Variants in DNAH6 observed in about 807,000 individuals in gnomAD.
The protein encoded by DNAH6 is dynein axonemal heavy chain 6, also known as axonemal beta dynein heavy chain 6.
In DNAH6, 340 loss-of-function variants were observed where a neutral mutation model predicts 491.4. That is an observed-to-expected ratio of 0.69 (90% CI 0.63 to 0.76). DNAH6 has a LOEUF of 0.76. Ranked by LOEUF, DNAH6 falls within the 30% of genes least tolerant of loss-of-function variation. DNAH6 has a pLI of 0.00. For missense variants in DNAH6, 4,443 were observed against 4,972.2 expected (o/e 0.89, Z 3.20); for synonymous variants, 1,603 against 1,686.1 (o/e 0.95, Z 1.21).
intron 64 of DNAH6, among the ~76,000 whole-genome samples, chr2:84,776,494 T>C (rs13424151): frequency 0.14 from 21,103 of 152,226 alleles, 1,638 homozygotes; most frequent in African/African-American, 0.21. Flanking sequence ...AAGGACAACA[T>C]GCACAACCTC....
At chr2:84,712,648 T>G (rs1434863627) in intron 56 of DNAH6, among the ~76,000 whole-genome samples, 5 of 152,194 alleles carry the variant, frequency 3.3e-5, no homozygotes, top group Non-Finnish European at 5.9e-5. Flanking sequence ...CTTAAAAAGG[T>G]AAAAGCCATT....
rs916267538 is a variant in DNAH6, at chr2:84,605,477, C to T, written c.3082-23C>T. On this transcript the variant is annotated intron_variant, in intron 19 of 76. Transcript: ENST00000389394. Reference sequence around the variant, plus strand: ...TCTAAACACACTGAATTTAGATATCCTAAGGCTTGAATTATTTCTAAGGTG... The same window carrying T: ...TCTAAACACACTGAATTTAGATATCTTAAGGCTTGAATTATTTCTAAGGTG... 13 of 1,511,294 alleles carry T rather than the reference C, an allele frequency of 8.6e-6. No individual in the cohort carries two copies. In the African/African-American group the frequency reaches 1.1e-4, roughly 13 times the overall value. The allele number at this position is 1,511,294 out of a possible 1,614,324, so 93.6% of individuals were successfully genotyped here. A position where few individuals can be genotyped will look rare whatever the true frequency, so the allele number is the denominator to read the frequency against.
the DNAH6 span, among the ~76,000 whole-genome samples, chr2:84,461,257 G>A: frequency 6.6e-6 from 1 of 152,160 alleles, no homozygotes; most frequent in East Asian, 1.9e-4. Flanking sequence ...ATAAGCTCTG[G>A]AAAACTGTAA....
intron 61 of DNAH6, among the ~76,000 whole-genome samples, chr2:84,732,420 T>C (rs559702359): frequency 6.6e-6 from 1 of 152,322 alleles, no homozygotes; most frequent in Non-Finnish European, 1.5e-5. Context: ...TAAAATGTGG[T>C]ATATTTATAC....
Position 84,595,753 on chromosome 2 carries a change from C to G in DNAH6, c.2832C>G (p.Pro944=). 6.5e-7 allele frequency: 1 copy of G among 1,548,246 alleles called. No individual in the cohort carries two copies. Among genetic ancestry groups the G allele is most frequent in the South Asian group, 1.2e-5 (1 of 82,906 alleles). The change falls in exon 18 of 77, where the codon CCC becomes CCG. Residue 944 remains proline (P), a synonymous_variant. Coordinates refer to ENST00000389394, the MANE Select transcript of DNAH6 (RefSeq NM_001370.2). ...EKGLPPNSVV[P]QLKYKVEKMK... is the part of the protein sequence containing the mutation. Reference sequence around the variant, plus strand: ...GCTTGCCACCCAACAGTGTAGTGCCCCAGCTCAAATACAAGGTGGAAAAAA... The same window carrying G: ...GCTTGCCACCCAACAGTGTAGTGCCGCAGCTCAAATACAAGGTGGAAAAAA...
chr2:84,737,399 T>C (rs1036391033), intron 62 of DNAH6, among the ~76,000 whole-genome samples: 1 of 152,098 alleles, frequency 6.6e-6, no homozygotes, highest in African/African-American at 2.4e-5. Flanking sequence ...TTCAGTGGAA[T>C]TGGTACCAGC....
chr2:84,568,767 A>G lies in DNAH6; in HGVS notation c.1804-4700A>G, dbSNP rs140994619. Among the ~76,000 whole-genome samples the G allele has an allele frequency of 3.5e-3, 529 of 152,318 alleles. 3 individuals are homozygous for G. Among genetic ancestry groups the G allele is most frequent in the Non-Finnish European group, 6.4e-3 (437 of 68,010 alleles). ...AAGAAAAATGATCAAAACTTATGAT[A>G]AAACATTCACCAAACATAGCATCTA... On this transcript the variant is annotated intron_variant, in intron 11 of 76. Transcript: ENST00000389394.
chr2:84,801,617 C>T (rs1308190692), intron 70 of DNAH6, among the ~76,000 whole-genome samples: 1 of 152,196 alleles, frequency 6.6e-6, no homozygotes, highest in Non-Finnish European at 1.5e-5. Context: ...GGCGCAGTGG[C>T]TCATGCCTGT....
chr2:84,767,322 A>C (rs533741722), intron 64 of DNAH6, among the ~76,000 whole-genome samples: 2 of 152,170 alleles, frequency 1.3e-5, no homozygotes, highest in East Asian at 3.9e-4. Context: ...ACTTGAGCCC[A>C]GGAGTTTGAG....
At chr2:84,595,165 A>G (rs1353769196) in intron 17 of DNAH6, among the ~76,000 whole-genome samples, 1 of 152,204 alleles carries the variant, frequency 6.6e-6, no homozygotes, top group Non-Finnish European at 1.5e-5. Flanking sequence ...CCATCAATAT[A>G]TATGTGTGGC....
At chr2:84,746,140 T>C (rs1422483815) in intron 63 of DNAH6, among the ~76,000 whole-genome samples, 1 of 152,172 alleles carries the variant, frequency 6.6e-6, no homozygotes, top group Admixed American at 6.5e-5. Context: ...GTTAGCAGTC[T>C]GAAAGTCAGC....
intron 41 of DNAH6, among the ~76,000 whole-genome samples, chr2:84,679,115 A>G (rs1006182394): frequency 6.6e-6 from 1 of 152,196 alleles, no homozygotes; most frequent in Admixed American, 6.5e-5. Context: ...TTTTAGCAAC[A>G]TATATAAATA....
At chr2:84,550,807 C>T (rs1679269026) in intron 9 of DNAH6, among the ~76,000 whole-genome samples, 1 of 151,954 alleles carries the variant, frequency 6.6e-6, no homozygotes, top group African/African-American at 2.4e-5. Flanking sequence ...CAGAGAGAAG[C>T]AGGAAAAGTG....
chr2:84,714,248 C>T (rs1318001567), intron 57 of DNAH6, among the ~76,000 whole-genome samples: 10 of 152,330 alleles, frequency 6.6e-5, no homozygotes, highest in Admixed American at 1.3e-4. Flanking sequence ...TTGAATTGCT[C>T]ATAGCTATCT....
At chr2:84,652,617 G>A (rs1468387830) in intron 33 of DNAH6, among the ~76,000 whole-genome samples, 1 of 151,852 alleles carries the variant, frequency 6.6e-6, no homozygotes, top group Admixed American at 6.6e-5. Flanking sequence ...TAGAAAGACC[G>A]CCTTACCACA....
intron 54 of DNAH6, among the ~76,000 whole-genome samples, chr2:84,708,867 G>C (rs1469075794): frequency 6.6e-6 from 1 of 152,102 alleles, no homozygotes; most frequent in African/African-American, 2.4e-5. Flanking sequence ...TCTCACTGGG[G>C]CCAATTGTGC....
At chr2:84,806,681 T>C (rs1679446801) in intron 71 of DNAH6, among the ~76,000 whole-genome samples, 1 of 150,944 alleles carries the variant, frequency 6.6e-6, no homozygotes, top group Non-Finnish European at 1.5e-5. Context: ...ATTTTAACAC[T>C]TTTCTTAGAT....
chr2:84,596,473 G>T (rs541338136), intron 18 of DNAH6, among the ~76,000 whole-genome samples: 2 of 151,878 alleles, frequency 1.3e-5, no homozygotes, highest in African/African-American at 2.4e-5. Flanking sequence ...ATAGGCACCC[G>T]CCACCCACCA....
the DNAH6 span, among the ~76,000 whole-genome samples, chr2:84,475,951 C>G: frequency 5.3e-5 from 8 of 152,092 alleles, no homozygotes; most frequent in East Asian, 1.9e-4. Context: ...ATTTTCTAAT[C>G]GACCCCAATC....
Sources: allele counts gnomAD v4.1 joint callset (sites outside exome capture counted in the v4.1 genomes callset), GRCh38; gene constraint gnomAD v4.1.1; transcripts MANE v1.5; gene names NCBI Gene and HGNC (gene_info 2026-07-23, HGNC 2026-07-21).